CTPS2: variants seen among roughly 807,000 people sequenced by gnomAD.
CTPS2 encodes the protein CTP synthase II.
In CTPS2, 19 loss-of-function variants were observed where a neutral mutation model predicts 46.8. That is an observed-to-expected ratio of 0.41 (90% CI 0.28 to 0.60). The LOEUF (loss-of-function observed/expected upper bound fraction) is 0.60, where lower values mean the gene tolerates loss of function less well. CTPS2 is among the 20% of genes least tolerant of loss of function. The pLI is 0.35. For synonymous variants in CTPS2, 151 were observed against 165.2 expected (o/e 0.91, Z 0.66); for missense variants, 286 against 447.6 (o/e 0.64, Z 3.26).
intron 13 of CTPS2, among the ~76,000 whole-genome samples, chrX:16,655,765 C>G (rs1246478381): frequency 1.8e-5 from 2 of 111,481 alleles, no homozygotes; most frequent in Non-Finnish European, 3.8e-5. Flanking sequence ...TGAACAGTCT[C>G]TCTCAACCTT....
chrX:16,602,060 G>A (rs1314151033), intron 17 of CTPS2, among the ~76,000 whole-genome samples: 1 of 111,843 alleles, frequency 8.9e-6, no homozygotes, highest in Non-Finnish European at 1.9e-5. Flanking sequence ...GGGGATGAGG[G>A]AGGAGGAATC....
chrX:16,708,694 A>C (rs184038906), intron 1 of CTPS2, among the ~76,000 whole-genome samples: 54 of 111,481 alleles, frequency 4.8e-4, no homozygotes, highest in African/African-American at 1.5e-3. Flanking sequence ...AGGGGCAAAT[A>C]AACTGTGCTT....
At chrX:16,603,365 G>A (rs770729016) in intron 17 of CTPS2, among the ~76,000 whole-genome samples, 3 of 109,248 alleles carry the variant, frequency 2.7e-5, no homozygotes, top group Admixed American at 9.9e-5. Flanking sequence ...GCAGTGAGCC[G>A]AGATCATGAC....
In CTPS2 at chrX:16,667,667, A is replaced by G. The variant is rs1921314277; in HGVS notation, c.1247T>C (p.Leu416Ser). The G allele has an allele frequency of 8.3e-7, 1 of 1,209,242 alleles. No homozygotes were observed. The highest frequency in any genetic ancestry group is 2.2e-5 in the Admixed American group (1 of 45,574). The change falls in exon 12 of 19, where the codon TTG (leucine) becomes TCG (serine). Residue 416 changes from leucine (L) to serine (S), a missense_variant. Coordinates refer to ENST00000359276, the MANE Select transcript of CTPS2 (RefSeq NM_175859.3). ...TTAGCAAACCTCGAACTTACCTTTC[A>G]AGTTAAGGCAGTTTCTTGCAAACTC... is the stretch of plus-strand genomic sequence containing the variant. ...VIEFARNCLN[L>S]KDADSTEFRP...
In CTPS2 at chrX:16,686,764, C is replaced by T. The variant is rs183755213; in HGVS notation, c.872+2686G>A. 2.7e-5 allele frequency among the ~76,000 whole-genome samples: 3 copies of T among 111,483 alleles called. No individual in the cohort carries two copies. The Admixed American group carries it at 2.9e-4, about 11-fold the overall frequency. ...ATAAAAAACACAAAAATTAGCCAAG[C>T]ATGGTGGCATGCACCTGTAGTCCCA... On this transcript the variant is annotated intron_variant, in intron 8 of 18. Coordinates refer to ENST00000359276, the MANE Select transcript of CTPS2 (RefSeq NM_175859.3).
At chrX:16,710,581 A>G (rs1020674602) in intron 1 of CTPS2, among the ~76,000 whole-genome samples, 3 of 111,844 alleles carry the variant, frequency 2.7e-5, no homozygotes, top group Non-Finnish European at 5.6e-5. Flanking sequence ...TAAAAATGCA[A>G]CTTAATACCA....
At chrX:16,632,128 C>A (rs1931504735) in intron 14 of CTPS2, among the ~76,000 whole-genome samples, 1 of 111,575 alleles carries the variant, frequency 9.0e-6, no homozygotes, top group African/African-American at 3.3e-5. Context: ...TACTATCTAA[C>A]TTTCCAGATA....
At chrX:16,706,725 G>A (rs1431489254) in intron 1 of CTPS2, among the ~76,000 whole-genome samples, 1 of 110,649 alleles carries the variant, frequency 9.0e-6, no homozygotes, top group Non-Finnish European at 1.9e-5. Context: ...GCCGGGCGTG[G>A]TTGTGGGCAC....
chrX:16,610,220 C>A (rs934230333), intron 16 of CTPS2, among the ~76,000 whole-genome samples: 1 of 111,851 alleles, frequency 8.9e-6, no homozygotes, highest in East Asian at 2.8e-4. Context: ...CAAAACTGAG[C>A]ATTTTTTGAA....
rs1923705350 is a variant in CTPS2, at chrX:16,691,570, A to C, written c.690T>G (p.Ile230Met). 1.7e-6 allele frequency: 2 copies of C among 1,209,816 alleles called. No individual in the cohort carries two copies. The highest frequency in any genetic ancestry group is 2.2e-5 in the Admixed American group (1 of 45,716). Residue 230 changes from isoleucine to methionine, a missense_variant, in exon 7 of 19, where the codon ATT becomes ATG. Coordinates refer to ENST00000359276, the MANE Select transcript of CTPS2 (RefSeq NM_175859.3). ...TPIEMAVKEKISMFCHVNPEQ... is the reference protein window; with the variant it reads ...TPIEMAVKEKMSMFCHVNPEQ... ...CAGGGTTCACGTGACAAAACATAGAAATCTTCTCCTTCACGGCCATCTCAA... is the reference window on the plus strand; with the variant it reads ...CAGGGTTCACGTGACAAAACATAGACATCTTCTCCTTCACGGCCATCTCAA...
intron 1 of CTPS2, among the ~76,000 whole-genome samples, chrX:16,707,620 G>A (rs768343859): frequency 1.8e-5 from 2 of 111,538 alleles, no homozygotes; most frequent in Non-Finnish European, 3.8e-5. Flanking sequence ...GCTGCAGTTA[G>A]CCAAGTGATT....
chrX:16,658,099 G>A (rs1293832971), intron 13 of CTPS2, among the ~76,000 whole-genome samples: 1 of 109,490 alleles, frequency 9.1e-6, no homozygotes, highest in Non-Finnish European at 1.9e-5. Flanking sequence ...CCAGTTACTC[G>A]GGAGGCTGAG....
chrX:16,658,578 G>A lies in CTPS2; in HGVS notation c.1296+8936C>T, dbSNP rs150720185. Among the ~76,000 whole-genome samples the A allele has an allele frequency of 7.1e-3, 793 of 112,147 alleles. 4 individuals carry two copies. Among genetic ancestry groups the A allele is most frequent in the Middle Eastern group, 0.023 (5 of 216 alleles). ...CTGAGAAGTAAATGTCTGAGTCAGA[G>A]GGTATGGATATTTGTATGGTTTGTC... On this transcript the variant is annotated intron_variant, in intron 13 of 18. Transcript: ENST00000359276.
chrX:16,675,508 T>C (rs1243981764), intron 10 of CTPS2, among the ~76,000 whole-genome samples: 1 of 112,051 alleles, frequency 8.9e-6, no homozygotes, highest in Non-Finnish European at 1.9e-5. Context: ...TATAAATATG[T>C]TATTGTATGT....
At chrX:16,628,832 A>G (rs1344470755) in intron 14 of CTPS2, among the ~76,000 whole-genome samples, 1 of 111,819 alleles carries the variant, frequency 8.9e-6, no homozygotes, top group African/African-American at 3.3e-5. Context: ...CCACTCCCCT[A>G]GTGGGACCTC....
intron 17 of CTPS2, among the ~76,000 whole-genome samples, chrX:16,602,832 G>C (rs1486657686): frequency 9.0e-6 from 1 of 111,223 alleles, no homozygotes; most frequent in Non-Finnish European, 1.9e-5. Flanking sequence ...CTTTGCTTTT[G>C]TATTTTCTTA....
At chrX:16,616,060 T>C (rs1456175849) in intron 16 of CTPS2, among the ~76,000 whole-genome samples, 1 of 112,318 alleles carries the variant, frequency 8.9e-6, no homozygotes. Context: ...ATAAGCTGGC[T>C]GTAAACAGCA....
intron 8 of CTPS2, among the ~76,000 whole-genome samples, 163 bp downstream of exon 8, chrX:16,689,287 C>T (rs1482228561): frequency 8.9e-6 from 1 of 111,803 alleles, no homozygotes; most frequent in Non-Finnish European, 1.9e-5. Flanking sequence ...TCAAATAATA[C>T]AGCAAAGCAC....
chrX:16,629,413 C>T (rs1299379177), intron 14 of CTPS2, among the ~76,000 whole-genome samples: 2 of 111,849 alleles, frequency 1.8e-5, no homozygotes, highest in Non-Finnish European at 3.8e-5. Context: ...CTGCCGTGCT[C>T]CTCTGGAATT....
Sources: gnomAD v4.1 joint callset for allele counts (sites outside exome capture counted in the v4.1 genomes callset) on GRCh38, gnomAD v4.1.1 for gene constraint, MANE v1.5 for transcripts, NCBI Gene and HGNC (gene_info 2026-07-23, HGNC 2026-07-21) for gene names.